Variants in BRD2 observed in about 807,000 individuals in gnomAD.
BRD2 encodes the protein bromodomain-containing protein 2.
Under a neutral mutation model 79.1 loss-of-function variants are expected in BRD2, and 15 were observed. That is an observed-to-expected ratio of 0.19 (90% CI 0.13 to 0.29). BRD2 has a LOEUF of 0.29. Among genes scored for constraint, BRD2 ranks in the 10% least tolerant of loss-of-function variants. The probability of loss-of-function intolerance (pLI) is 1.00; values close to 1 mark genes in which losing one functional copy is unlikely to be tolerated. For missense variants in BRD2, 1,053 were observed against 991.3 expected (o/e 1.06, Z -0.84); for synonymous variants, 488 against 358.6 (o/e 1.36, Z -4.08).
rs201062187 is a variant in BRD2, at chr6:32,980,771, A to G, written c.*53A>G. 2 of 1,592,192 alleles carry G rather than the reference A, an allele frequency of 1.3e-6. No homozygotes were observed. The highest frequency in any genetic ancestry group is 1.7e-6 in the Non-Finnish European group (2 of 1,166,484). The stretch of plus-strand genomic sequence containing the variant: ...CTCCGCAGGACCGGACCCCTAGACC[A>G]CCCTGCCCCACCTGCCCCTTCCCCC... On this transcript the variant is annotated 3_prime_UTR_variant, in exon 13 of 13. Transcript: ENST00000374825.
intron 4 of BRD2, 76 bp from the exon 5 acceptor site, chr6:32,975,955 C>T (rs754187719): frequency 3.3e-6 from 5 of 1,500,420 alleles, no homozygotes; most frequent in East Asian, 2.3e-5. Context: ...GCCTGAATGC[C>T]TCTGAGAAAG....
rs1297901840 is a variant in BRD2 at position 32,971,958 on chromosome 6, T to C, written c.-941T>C. 1.4e-6 allele frequency: 1 copy of C among 702,884 alleles called. No homozygotes were observed. Among genetic ancestry groups the C allele is most frequent in the East Asian group, 2.7e-5 (1 of 37,276 alleles). 43.5% of individuals were successfully genotyped at this position (702,884 alleles called of 1,614,324 possible). ...ACTTCCCTGTGGGTCTCTGCGGCAC[T>C]CTTCTGCCTGGTGACTGACACCTTG... On this transcript the variant is annotated 5_prime_UTR_variant, in exon 2 of 13. Transcript: ENST00000374825.
Position 32,972,112 on chromosome 6 carries a change from GA to G in BRD2, c.-783del, listed in dbSNP as rs761516505. ...AGCGCGCGCGCGCGGAGGGGGTGGG[GA>G]AAAGCTCAAGCAGGGTGGCGCGCAT... On this transcript the variant is annotated 5_prime_UTR_variant, in exon 2 of 13. An upstream open reading frame in the 5' UTR gains an earlier in-frame stop. Transcript: ENST00000374825. 331 of 691,356 alleles carry G rather than the reference GA, an allele frequency of 4.8e-4. 1 individual carries two copies. In the East Asian group the frequency reaches 8.9e-3, roughly 19 times the overall value. 42.8% of individuals were successfully genotyped at this position (691,356 alleles called of 1,614,324 possible).
chr6:32,976,675 T>G lies in BRD2; in HGVS notation c.939T>G (p.Leu313=). ...GTCTTGAGCCTAAGGCAGCACGGCT[T>G]CCCCCTATGCGTAGAGAGAGTGGTC... is the stretch of plus-strand genomic sequence containing the variant. The part of the protein sequence containing the change: ...PGSLEPKAAR[L]PPMRRESGRP... Residue 313 remains leucine, a synonymous_variant, in exon 7 of 13, where the codon CTT becomes CTG. Coordinates refer to ENST00000374825, the MANE Select transcript of BRD2 (RefSeq NM_005104.4). 1 of 1,612,974 alleles carries G rather than the reference T, an allele frequency of 6.2e-7. No individual in the cohort carries two copies. Among genetic ancestry groups the G allele is most frequent in the Non-Finnish European group, 8.5e-7 (1 of 1,180,004 alleles).
chr6:32,972,412 G>T lies in BRD2; in HGVS notation c.-487G>T, dbSNP rs1778131222. 3.4e-6 allele frequency: 1 copy of T among 294,618 alleles called. No homozygotes were observed. The highest frequency in any genetic ancestry group is 3.3e-5 in the South Asian group (1 of 29,960). The allele number at this position is 294,618 out of a possible 1,614,324, so 18.3% of individuals were successfully genotyped here. A position where few individuals can be genotyped will look rare whatever the true frequency, so the allele number is the denominator to read the frequency against. On this transcript the variant is annotated 5_prime_UTR_variant, in exon 2 of 13. The change creates a premature stop within an existing upstream ORF in the 5' untranslated region. Transcript: ENST00000374825. ...TTTTTCGGGCCCCGCCCAATCCTCGGAGTCTGTCCACCCCCTCTACTCCGC... is the reference window on the plus strand; with the variant it reads ...TTTTTCGGGCCCCGCCCAATCCTCGTAGTCTGTCCACCCCCTCTACTCCGC...
At chr6:32,969,845 G>A (rs1777784891) in intron 1 of BRD2, among the ~76,000 whole-genome samples, 1 of 152,152 alleles carries the variant, frequency 6.6e-6, no homozygotes, top group Non-Finnish European at 1.5e-5. Context: ...CCAAGGTTTC[G>A]GGTTTCTCCA....
In BRD2 at chr6:32,976,826, A is replaced by C; in HGVS notation, c.1090A>C (p.Lys364Gln). The change falls in exon 7 of 13, where the codon AAG becomes CAG. Residue 364 changes from lysine to glutamine, a missense_variant. Around this residue, in one of 5 missense-constraint regions of BRD2, gnomAD observed 454 missense variants for 430.5 expected, o/e 1.05. Transcript: ENST00000374825. ...NGILKELLSK[K>Q]HAAYAWPFYK... is the part of the protein sequence containing the mutation. ...CATTTTGAAGGAGTTACTCTCTAAG[A>C]AGCATGCTGCCTATGCTTGGCCTTT... 6.2e-7 allele frequency: 1 copy of C among 1,613,210 alleles called. No individual in the cohort carries two copies. The highest frequency in any genetic ancestry group is 8.5e-7 in the Non-Finnish European group (1 of 1,180,044).
intron 8 of BRD2, 38 bp downstream of exon 8, chr6:32,977,608 T>C (rs370362856): frequency 2.5e-5 from 40 of 1,610,824 alleles, no homozygotes; most frequent in Non-Finnish European, 3.1e-5. Context: ...ATAAATGGTA[T>C]GGGGAGTTAT....
chr6:32,979,682 C>T, intron 10 of BRD2, 146 bp from the exon 11 acceptor site: 2 of 891,504 alleles, frequency 2.2e-6, no homozygotes, highest in South Asian at 3.6e-5. Flanking sequence ...TACAGTGTCC[C>T]AGTAGCCCAC....
At position 32,972,868 on chromosome 6, in the gene BRD2, C is replaced by T. The variant is rs778267283; in HGVS notation, c.-31C>T. The T allele has an allele frequency of 1.2e-6, 2 of 1,613,842 alleles. No homozygotes were observed. Among genetic ancestry groups the T allele is most frequent in the African/African-American group, 1.3e-5 (1 of 74,938 alleles). On this transcript the variant is annotated 5_prime_UTR_variant, in exon 2 of 13. Coordinates refer to ENST00000374825, the MANE Select transcript of BRD2 (RefSeq NM_005104.4). ...CCGAGGCCACCCGGACTTTCCGCGG[C>T]TGAGGGCAGCGCCGGTTCCTTGCGG...
chr6:32,969,236 G>C, intron 1 of BRD2, 180 bp downstream of exon 1: 2 of 619,722 alleles, frequency 3.2e-6, no homozygotes, highest in Non-Finnish European at 6.1e-6. Flanking sequence ...GGCCATGGGG[G>C]GGGAGGGGAA....
In BRD2 at chr6:32,972,595, G is replaced by A; in HGVS notation, c.-304G>A. The A allele has an allele frequency of 5.5e-6, 3 of 544,796 alleles. No homozygotes were observed. The highest frequency in any genetic ancestry group is 9.8e-6 in the Non-Finnish European group (3 of 305,516). 33.7% of individuals were successfully genotyped at this position (544,796 alleles called of 1,614,324 possible). A position where few individuals can be genotyped will look rare whatever the true frequency, so the allele number is the denominator to read the frequency against. ...ACCAACAGCGGGCTATATTGACGAC[G>A]GTGTCTGAGATCGGGGACCGTCTTT... On this transcript the variant is annotated 5_prime_UTR_variant, in exon 2 of 13. Transcript: ENST00000374825.
intron 3 of BRD2, 75 bp from the exon 4 acceptor site, chr6:32,975,309 T>TGA (rs70996746): frequency 0.066 from 66,996 of 1,012,148 alleles, 1,352 homozygotes; most frequent in East Asian, 0.14. Flanking sequence ...TGTGTGTGTG[T>TGA]GAGAGTCGGG....
intron 8 of BRD2, 71 bp downstream of exon 8, chr6:32,977,641 C>G: frequency 1.2e-6 from 2 of 1,603,180 alleles, no homozygotes; most frequent in Middle Eastern, 1.7e-4. Context: ...GCTGCATAGC[C>G]TCAACGTGAG....
intron 3 of BRD2, 126 bp from the exon 4 acceptor site, chr6:32,975,254 TTAAG>T (rs34388614): frequency 0.48 from 547,942 of 1,136,966 alleles, 135,879 homozygotes; most frequent in African/African-American, 0.53. Context: ...GGGCCGCAGT[TTAAG>T]TAACTGTTCC....
Position 32,972,422 on chromosome 6 carries a change from A to AC in BRD2, c.-472dup, listed in dbSNP as rs1465643773. Reference sequence around the variant, plus strand: ...CCCGCCCAATCCTCGGAGTCTGTCCACCCCCTCTACTCCGCCCTCAAGAGG... The same window carrying AC: ...CCCGCCCAATCCTCGGAGTCTGTCCACCCCCCTCTACTCCGCCCTCAAGAGG... On this transcript the variant is annotated 5_prime_UTR_variant, in exon 2 of 13. It removes the in-frame stop codon of an upstream open reading frame in the 5' UTR. Coordinates refer to ENST00000374825, the MANE Select transcript of BRD2 (RefSeq NM_005104.4). 6.8e-6 allele frequency: 2 copies of AC among 293,118 alleles called. No individual in the cohort carries two copies. Among genetic ancestry groups the AC allele is most frequent in the East Asian group, 1.9e-4 (2 of 10,498 alleles). 18.2% of individuals were successfully genotyped at this position (293,118 alleles called of 1,614,324 possible).
At position 32,977,872 on chromosome 6, in the gene BRD2, G is replaced by C. The variant is rs779865033; in HGVS notation, c.1445G>C (p.Ser482Thr). 9.3e-6 allele frequency: 15 copies of C among 1,613,022 alleles called. No individual in the cohort carries two copies. Among genetic ancestry groups the C allele is most frequent in the Non-Finnish European group, 8.5e-6 (10 of 1,180,048 alleles). ...GCCAAATCGTCTTCAGAGTCCTCCA[G>C]TGAGGAAAGTAGCAGTGAGAGCTCC... ...GLAKSSSESS[S>T]EESSSESSSE... is the part of the protein sequence containing the mutation. Residue 482 changes from serine (S) to threonine (T), a missense_variant, in exon 9 of 13, where the codon AGT becomes ACT. Transcript: ENST00000374825.
At position 32,972,441 on chromosome 6, in the gene BRD2, C is replaced by T. The variant is rs1173569518; in HGVS notation, c.-458C>T. The T allele has an allele frequency of 1.0e-5, 3 of 297,170 alleles. No individual in the cohort carries two copies. The highest frequency in any genetic ancestry group is 9.9e-5 in the Admixed American group (2 of 20,152). 18.4% of individuals were successfully genotyped at this position (297,170 alleles called of 1,614,324 possible). On this transcript the variant is annotated 5_prime_UTR_variant, in exon 2 of 13. Transcript: ENST00000374825. ...CTGTCCACCCCCTCTACTCCGCCCT[C>T]AAGAGGATTTCAAAGATGGAGGCGG...
intron 2 of BRD2, among the ~76,000 whole-genome samples, chr6:32,974,113 A>G (rs1255285255): frequency 1.3e-5 from 2 of 151,712 alleles, no homozygotes; most frequent in Non-Finnish European, 2.9e-5. Context: ...GAGTTTCTTA[A>G]CTCCACCCAT....
Sources: allele counts gnomAD v4.1 joint callset (sites outside exome capture counted in the v4.1 genomes callset), GRCh38; gene constraint gnomAD v4.1.1; regional missense constraint gnomAD v4.1.1; transcripts MANE v1.5; gene names NCBI Gene and HGNC (gene_info 2026-07-23, HGNC 2026-07-21).